Variants in CIMIP7 observed in about 807,000 individuals in gnomAD.
CIMIP7 encodes the protein uncharacterized protein C3orf84.
chr3:49,190,858 A>G, the CIMIP7 span, among the ~76,000 whole-genome samples: 4 of 151,640 alleles, frequency 2.6e-5, no homozygotes, highest in African/African-American at 9.7e-5. Context: ...TAGTAGAAAC[A>G]GGGTTTCACC....
the CIMIP7 span, among the ~76,000 whole-genome samples, chr3:49,179,187 A>C: frequency 6.6e-6 from 1 of 152,164 alleles, no homozygotes; most frequent in East Asian, 1.9e-4. Context: ...CCCACATTGA[A>C]TATGCAAGTA....
chr3:49,188,078 G>T, the CIMIP7 span, among the ~76,000 whole-genome samples: 1 of 152,334 alleles, frequency 6.6e-6, no homozygotes, highest in East Asian at 1.9e-4. Context: ...TCTCTGTGTT[G>T]CTTCTCTTTC....
At chr3:49,186,011 T>C in the CIMIP7 span, among the ~76,000 whole-genome samples, 1 of 151,102 alleles carries the variant, frequency 6.6e-6, no homozygotes, top group African/African-American at 2.4e-5. Flanking sequence ...TTTTTTTTTT[T>C]TTTTTTGACA....
the CIMIP7 span, among the ~76,000 whole-genome samples, chr3:49,184,715 G>A: frequency 1.4e-5 from 2 of 146,822 alleles, no homozygotes; most frequent in Admixed American, 7.0e-5. Flanking sequence ...CACAACCTCT[G>A]CCTCCCAGAT....
the CIMIP7 span, among the ~76,000 whole-genome samples, chr3:49,185,690 T>G: frequency 7.2e-6 from 1 of 138,296 alleles, no homozygotes; most frequent in East Asian, 2.1e-4. Context: ...ATTTTAAAGC[T>G]TTTTTTTTTT....
At chr3:49,183,048 C>T in the CIMIP7 span, among the ~76,000 whole-genome samples, 1 of 152,166 alleles carries the variant, frequency 6.6e-6, no homozygotes, top group Non-Finnish European at 1.5e-5. Context: ...CTCGGCAAGC[C>T]CAGGAAGGGG....
At chr3:49,180,393 G>A in the CIMIP7 span, among the ~76,000 whole-genome samples, 5 of 152,198 alleles carry the variant, frequency 3.3e-5, no homozygotes, top group African/African-American at 4.8e-5. Flanking sequence ...GACTTCAGCA[G>A]GAATCTGTCC....
At chr3:49,186,990 A>C in the CIMIP7 span, among the ~76,000 whole-genome samples, 1 of 152,074 alleles carries the variant, frequency 6.6e-6, no homozygotes, top group Non-Finnish European at 1.5e-5. Context: ...GTTTCAATTG[A>C]CCCCCAAATT....
chr3:49,190,200 C>G, the CIMIP7 span: 1 of 1,236,404 alleles, frequency 8.1e-7, no homozygotes. Flanking sequence ...TCCTAGACCT[C>G]AGGGCCCCAA....
the CIMIP7 span, among the ~76,000 whole-genome samples, chr3:49,181,804 G>A: frequency 6.6e-6 from 1 of 152,168 alleles, no homozygotes; most frequent in Non-Finnish European, 1.5e-5. Context: ...AAATGTGTCC[G>A]GAATGGGTGG....
the CIMIP7 span, among the ~76,000 whole-genome samples, chr3:49,181,234 C>T: frequency 6.6e-6 from 1 of 150,832 alleles, no homozygotes; most frequent in South Asian, 2.1e-4. Flanking sequence ...CCCAGCTACT[C>T]GAAAGGCTGA....
At chr3:49,181,519 G>A in the CIMIP7 span, among the ~76,000 whole-genome samples, 1 of 152,076 alleles carries the variant, frequency 6.6e-6, no homozygotes, top group East Asian at 1.9e-4. Flanking sequence ...TTAGCCAGGC[G>A]TGGTGGTGCA....
At chr3:49,188,786 T>G in the CIMIP7 span, among the ~76,000 whole-genome samples, 1 of 151,948 alleles carries the variant, frequency 6.6e-6, no homozygotes, top group African/African-American at 2.4e-5. Context: ...TCCGATTTAT[T>G]TATTTATTTT....
chr3:49,191,785 G>C, the CIMIP7 span: 1 of 1,551,206 alleles, frequency 6.4e-7, no homozygotes, highest in East Asian at 2.4e-5. Context: ...TCCAAGAAGG[G>C]AGCAGAAAAG....
At chr3:49,177,774 C>G in the CIMIP7 span, 2 of 1,610,834 alleles carry the variant, frequency 1.2e-6, no homozygotes, top group Non-Finnish European at 1.7e-6. Flanking sequence ...GGGGCCCTAC[C>G]TTGTAGCTGC....
At chr3:49,188,371 C>T in the CIMIP7 span, among the ~76,000 whole-genome samples, 1 of 152,176 alleles carries the variant, frequency 6.6e-6, no homozygotes, top group Non-Finnish European at 1.5e-5. Flanking sequence ...CCTTCAGGTC[C>T]CTCTGGGCCT....
At chr3:49,177,763 TG>T in the CIMIP7 span, 2 of 1,610,048 alleles carry the variant, frequency 1.2e-6, no homozygotes, top group South Asian at 1.1e-5. Context: ...GACCGGCGCC[TG>T]GGGCCCTACC....
the CIMIP7 span, chr3:49,191,588 G>C: frequency 1.3e-6 from 1 of 795,510 alleles, no homozygotes; most frequent in East Asian, 2.5e-5. Context: ...GCCTCCAGGG[G>C]TGACCTCAAG....
the CIMIP7 span, among the ~76,000 whole-genome samples, chr3:49,180,739 G>A: frequency 6.6e-6 from 1 of 151,580 alleles, no homozygotes; most frequent in Non-Finnish European, 1.5e-5. Context: ...GACCATCCTG[G>A]CTATCATGGT....
Sources: allele counts gnomAD v4.1 joint callset (sites outside exome capture counted in the v4.1 genomes callset), GRCh38; gene constraint gnomAD v4.1.1; transcripts MANE v1.5; gene names NCBI Gene and HGNC (gene_info 2026-07-23, HGNC 2026-07-21).